Variants in MPP2 observed in about 807,000 individuals in gnomAD.
The protein encoded by MPP2 is MAGUK p55 scaffold protein 2.
MPP2 carries 42 observed loss-of-function variants against 58.5 expected under a neutral mutation model. The ratio of observed to expected loss-of-function variants is 0.72; its 90% CI spans 0.56 to 0.93. MPP2 has a LOEUF of 0.93. Among genes scored for constraint, MPP2 ranks in the 40% least tolerant of loss-of-function variants. The pLI, the probability that MPP2 is intolerant of heterozygous loss-of-function variation, is 0.00. For synonymous variants in MPP2, 300 were observed against 307.8 expected (o/e 0.97, Z 0.26); for missense variants, 632 against 760.4 (o/e 0.83, Z 1.99).
In MPP2 at chr17:43,880,844, G is replaced by C. The variant is rs576254090; in HGVS notation, c.997C>G (p.Arg333Gly). ...TCCTCATAAATGAGCAGCTCATGAC[G>C]GTCAAACTCTGGACACAGGGAGATG... Reference protein sequence around the residue: ...YLTTKNAEFDRHELLIYEEVA... With the variant: ...YLTTKNAEFDGHELLIYEEVA... The change falls in exon 10 of 13, where the codon CGT becomes GGT. Residue 333 changes from arginine (R) to glycine (G), a missense_variant. Arg to Gly is a moderately radical substitution (Grantham distance 125). Transcript: ENST00000269095. The surrounding 1 kb of genome is among the most constrained non-coding windows in gnomAD (Gnocchi z 5.2). 12 of 1,600,320 alleles carry C rather than the reference G, an allele frequency of 7.5e-6. No homozygotes were observed. The highest frequency in any genetic ancestry group is 1.0e-5 in the Non-Finnish European group (12 of 1,171,742).
At chr17:43,881,435 A>G (rs1387120728) in intron 7 of MPP2, 23 bp downstream of exon 7, 3 of 1,613,998 alleles carry the variant, frequency 1.9e-6, no homozygotes, top group Non-Finnish European at 2.5e-6. Flanking sequence ...ACCTGGAGAG[A>G]TGCGGGGGTG....
In MPP2 at chr17:43,881,508, C is replaced by T; in HGVS notation, c.763G>A (p.Ala255Thr). 1.2e-6 allele frequency: 2 copies of T among 1,614,066 alleles called. No homozygotes were observed. Among genetic ancestry groups the T allele is most frequent in the Non-Finnish European group, 1.7e-6 (2 of 1,179,990 alleles). Residue 255 changes from alanine (A) to threonine (T), a missense_variant, in exon 7 of 13, where the codon GCC becomes ACC. By Grantham distance (58) the Ala-to-Thr change is moderately conservative (BLOSUM62 0). Coordinates refer to ENST00000269095, the MANE Select transcript of MPP2 (RefSeq NM_005374.5). ...PCKEAGLRFN[A>T]GDLLQIVNQD... ...TTTACGATCTGGAGCAAGTCCCCGG[C>T]GTTGAAGCGCAGGCCTGCTTCCTTG...
At chr17:43,885,795 T>C (rs748400405) in intron 3 of MPP2, among the ~76,000 whole-genome samples, 1 of 152,264 alleles carries the variant, frequency 6.6e-6, no homozygotes, top group East Asian at 1.9e-4. Flanking sequence ...GCTTGGGTGA[T>C]GGGTGCATCA....
At chr17:43,904,644 G>A (rs231485) in intron 1 of MPP2, among the ~76,000 whole-genome samples, 151 bp from the exon 2 acceptor site, 65,773 of 151,858 alleles carry the variant, frequency 0.43, 14,994 homozygotes, top group East Asian at 0.67. Context: ...TGATTCCAAC[G>A]GTCCTGGGAA....
chr17:43,898,203 C>T, intron 3 of MPP2, 59 bp downstream of exon 3: 2 of 1,284,828 alleles, frequency 1.6e-6, no homozygotes, highest in Non-Finnish European at 2.3e-6. Flanking sequence ...AATACCCCAT[C>T]CCCTACTGTG....
Position 43,879,695 on chromosome 17 carries a change from G to A in MPP2, c.1353+87C>T. 1.4e-6 allele frequency: 2 copies of A among 1,457,596 alleles called. No homozygotes were observed. Among genetic ancestry groups the A allele is most frequent in the Non-Finnish European group, 1.9e-6 (2 of 1,062,080 alleles). 90.3% of individuals were successfully genotyped at this position (1,457,596 alleles called of 1,614,324 possible). A position where few individuals can be genotyped will look rare whatever the true frequency, so the allele number is the denominator to read the frequency against. ...CAAAGGGGGTACATGGGCGTGTTCA[G>A]GTGACAGGTGTCTGGAACTATATGG... On this transcript the variant is annotated intron_variant, in intron 11 of 12. Coordinates refer to ENST00000269095, the MANE Select transcript of MPP2 (RefSeq NM_005374.5). This position sits in a 1 kb window ranked among gnomAD's most constrained non-coding sequence, Gnocchi z 4.1.
chr17:43,880,026 G>C lies in MPP2; in HGVS notation c.1151-42C>G, dbSNP rs1370821302. 2 of 1,594,934 alleles carry C rather than the reference G, an allele frequency of 1.3e-6. No individual in the cohort carries two copies. The highest frequency in any genetic ancestry group is 1.7e-6 in the Non-Finnish European group (2 of 1,163,478). On this transcript the variant is annotated intron_variant, in intron 10 of 12. Transcript: ENST00000269095. The surrounding 1 kb of genome is among the most constrained non-coding windows in gnomAD (Gnocchi z 5.2). ...AGGTTGGACCAAATGGGCAGGGGCA[G>C]GTTACAGTGCCTCAGACACATATAT...
intron 3 of MPP2, among the ~76,000 whole-genome samples, chr17:43,892,980 TTTGATGGATGGATGGATGGA>T (rs1293966883): frequency 3.5e-5 from 5 of 141,468 alleles, no homozygotes; most frequent in Admixed American, 7.2e-5. Flanking sequence ...AAAATAGGTA[TTTGATGGATGGATGGATGGA>T]TGGATGGATG....
chr17:43,879,089 T>C lies in MPP2; in HGVS notation c.1482+186A>G, dbSNP rs2046980511. 6.6e-6 allele frequency among the ~76,000 whole-genome samples: 1 copy of C among 152,114 alleles called. No individual in the cohort carries two copies. The highest frequency in any genetic ancestry group is 1.9e-4 in the East Asian group (1 of 5,176). ...TGTGTGCCTGGCTCACTCTGAGACT[T>C]TGGACTTCCTCTCTCAGACCTCCCC... On this transcript the variant is annotated intron_variant, in intron 12 of 12. Coordinates refer to ENST00000269095, the MANE Select transcript of MPP2 (RefSeq NM_005374.5). The surrounding 1 kb of genome is among the most constrained non-coding windows in gnomAD (Gnocchi z 4.1).
At chr17:43,907,277 G>A (rs2048328204) in intron 1 of MPP2, 197 bp downstream of exon 1, 8 of 985,454 alleles carry the variant, frequency 8.1e-6, no homozygotes, top group African/African-American at 3.5e-5. Context: ...AATGGGCAGC[G>A]GGGCTTGGTT....
In MPP2 at chr17:43,894,616, G is replaced by GAA. The variant is rs36073194; in HGVS notation, c.150+3644_150+3645dup. Among the ~76,000 whole-genome samples, 471 of 65,836 alleles carry GAA rather than the reference G, an allele frequency of 7.2e-3. 11 individuals carry two copies. The highest frequency in any genetic ancestry group is 0.015 in the African/African-American group (260 of 17,402). The allele number at this position is 65,836 out of a possible 152,430, so 43.2% of individuals were successfully genotyped here. On this transcript the variant is annotated intron_variant, in intron 3 of 12. Coordinates refer to ENST00000269095, the MANE Select transcript of MPP2 (RefSeq NM_005374.5). ...TGGGCAACAGAGTGAGACTCCAGAGGAAAAAAAAAAAAAAAAAAAAAGCAC... is the reference window on the plus strand; with the variant it reads ...TGGGCAACAGAGTGAGACTCCAGAGGAAAAAAAAAAAAAAAAAAAAAAAGCAC...
intron 3 of MPP2, among the ~76,000 whole-genome samples, chr17:43,889,804 C>CTTTT (rs2047522956): frequency 1.1e-5 from 1 of 93,610 alleles, no homozygotes; most frequent in African/African-American, 5.3e-5. Context: ...TGTCCAAATG[C>CTTTT]GTTTTTTTTT....
Position 43,900,433 on chromosome 17 carries a change from C to G in MPP2, c.32-2053G>C. The G allele has an allele frequency of 2.6e-6, 4 of 1,543,900 alleles. No homozygotes were observed. In the South Asian group the frequency reaches 4.8e-5, roughly 18 times the overall value. On this transcript the variant is annotated intron_variant, in intron 2 of 12. Transcript: ENST00000269095. The stretch of plus-strand genomic sequence containing the variant: ...TGCTGGAGGAAGGTAGGCTAAGGGG[C>G]CAGCTGCCCCGCCCCCATCTGGCCC...
chr17:43,877,777 C>T lies in MPP2; in HGVS notation c.*30G>A, dbSNP rs1444624448. The stretch of plus-strand genomic sequence containing the variant: ...TGGATTCAGGTTCTGGGTTTCAACA[C>T]AGAGTGAGCCAAAGACCAGGTGAAC... On this transcript the variant is annotated 3_prime_UTR_variant, in exon 13 of 13. Coordinates refer to ENST00000269095, the MANE Select transcript of MPP2 (RefSeq NM_005374.5). The T allele has an allele frequency of 2.5e-6, 4 of 1,595,510 alleles. No individual in the cohort carries two copies. The highest frequency in any genetic ancestry group is 3.4e-6 in the Non-Finnish European group (4 of 1,165,376).
rs1366829386 is a variant in MPP2, at chr17:43,875,551, CAG to C, written c.*2254_*2255del. ...AGTCCACAATGGCAGGGAGGGAGAA[CAG>C]AGTCATAGAGCTGTGGTGGGGGCAC... On this transcript the variant is annotated 3_prime_UTR_variant, in exon 13 of 13. Coordinates refer to ENST00000269095, the MANE Select transcript of MPP2 (RefSeq NM_005374.5). The C allele has an allele frequency of 1.3e-5, 2 of 151,896 alleles. No individual in the cohort carries two copies. The highest frequency in any genetic ancestry group is 2.9e-5 in the Non-Finnish European group (2 of 68,138). The allele number at this position is 151,896 out of a possible 1,614,324, so 9.4% of individuals were successfully genotyped here.
At chr17:43,900,423 G>T in intron 2 of MPP2, 1 of 1,540,250 alleles carries the variant, frequency 6.5e-7, no homozygotes, top group South Asian at 1.2e-5. Flanking sequence ...GAGGAAGGTA[G>T]GCTAAGGGGC....
At chr17:43,892,028 G>A (rs2047628455) in intron 3 of MPP2, among the ~76,000 whole-genome samples, 1 of 152,340 alleles carries the variant, frequency 6.6e-6, no homozygotes, top group East Asian at 1.9e-4. Flanking sequence ...CTGGATCCAT[G>A]TCAGCCGTCC....
In MPP2 at chr17:43,884,870, T is replaced by C. The variant is rs1363022865; in HGVS notation, c.151-1515A>G. Among the ~76,000 whole-genome samples the C allele has an allele frequency of 2.0e-5, 3 of 152,136 alleles. No individual in the cohort carries two copies. The East Asian group carries it at 5.8e-4, about 29-fold the overall frequency. On this transcript the variant is annotated intron_variant, in intron 3 of 12. Coordinates refer to ENST00000269095, the MANE Select transcript of MPP2 (RefSeq NM_005374.5). The stretch of plus-strand genomic sequence containing the variant: ...CACAGTGGCTCACGCCTGTAATCCC[T>C]GCACTTTGGGAGGCCAAGGCAGGTG...
At chr17:43,898,159 G>A (rs976745616) in intron 3 of MPP2, 103 bp downstream of exon 3, 3 of 887,672 alleles carry the variant, frequency 3.4e-6, no homozygotes, top group Non-Finnish European at 5.6e-6. Context: ...GGCCTCTTGT[G>A]CCACATGTCC....
Sources: gnomAD v4.1 joint callset for allele counts (sites outside exome capture counted in the v4.1 genomes callset) on GRCh38, gnomAD v4.1.1 for gene constraint, Gnocchi (gnomAD v3.1) non-coding constraint, MANE v1.5 for transcripts, NCBI Gene and HGNC (gene_info 2026-07-23, HGNC 2026-07-21) for gene names.